KIAA0753: variants seen among roughly 807,000 people sequenced by gnomAD.
The protein encoded by KIAA0753 is protein moonraker.
In KIAA0753, 114 loss-of-function variants were observed where a neutral mutation model predicts 116.9. That is an observed-to-expected ratio of 0.98 (90% confidence interval 0.84 to 1.14). The LOEUF (loss-of-function observed/expected upper bound fraction) is 1.14. KIAA0753 is among the 50% of genes most tolerant of loss of function. KIAA0753 has a pLI of 0.00. For synonymous variants in KIAA0753, 405 were observed against 413.1 expected (o/e 0.98, Z 0.24); for missense variants, 1,156 against 1,172.4 (o/e 0.99, Z 0.20).
In KIAA0753 at chr17:6,589,861, A is replaced by G; in HGVS notation, c.2704T>C (p.Tyr902His). Residue 902 changes from tyrosine (Y) to histidine (H), a missense_variant, in exon 18 of 19, where the codon TAC becomes CAC. Physicochemically the swap from Tyr to His is moderately conservative, Grantham distance 83. Coordinates refer to ENST00000361413, the MANE Select transcript of KIAA0753 (RefSeq NM_014804.3). Reference protein sequence around the residue: ...PPGMQHSIGDYCSRFEQYLRI... With the variant: ...PPGMQHSIGDHCSRFEQYLRI... ...AGGTACTGCTCAAAACGACTACAGTAGTCACCGATGCTGTGCTGCATACCC... is the reference window on the plus strand; with the variant it reads ...AGGTACTGCTCAAAACGACTACAGTGGTCACCGATGCTGTGCTGCATACCC... 1 of 1,614,152 alleles carries G rather than the reference A, an allele frequency of 6.2e-7. No individual in the cohort carries two copies. The highest frequency in any genetic ancestry group is 8.5e-7 in the Non-Finnish European group (1 of 1,179,986).
rs1969789536 is a variant in KIAA0753 at position 6,600,445 on chromosome 17, G to A, written c.2023C>T (p.His675Tyr). 2.5e-6 allele frequency: 4 copies of A among 1,612,548 alleles called. No individual in the cohort carries two copies. The highest frequency in any genetic ancestry group is 3.4e-6 in the Non-Finnish European group (4 of 1,178,750). Residue 675 changes from histidine (H) to tyrosine (Y), a missense_variant, in exon 13 of 19, where the codon CAC (histidine) becomes TAC (tyrosine). Transcript: ENST00000361413. ...GCCTCCTCTACCTTGTCTGCTAAGT[G>A]GGTGGCAGAAACACTATTTAGAAAT... ...RLQQLSVSAT[H>Y]LADKVEEAVL... is the part of the protein sequence containing the mutation.
At chr17:6,610,687 A>AT (rs1285711383) in intron 8 of KIAA0753, among the ~76,000 whole-genome samples, 3 of 151,652 alleles carry the variant, frequency 2.0e-5, no homozygotes, top group Non-Finnish European at 4.4e-5. Flanking sequence ...TGCCTGGCTA[A>AT]TTTTTTATTT....
At position 6,639,139 on chromosome 17, in the gene KIAA0753, C is replaced by G. The variant is rs1972506137; in HGVS notation, c.-69+1498G>C. On this transcript the variant is annotated intron_variant, in intron 1 of 18. Transcript: ENST00000361413. This position sits in a 1 kb window ranked among gnomAD's most constrained non-coding sequence, Gnocchi z 4.3. ...GTCTGTCTCCTCCACAGCCTGTCTC[C>G]TGTAACACACACCTGCGGCACCCAC... 6.5e-6 allele frequency: 1 copy of G among 153,080 alleles called. No individual in the cohort carries two copies. The highest frequency in any genetic ancestry group is 1.9e-4 in the East Asian group (1 of 5,206). 9.5% of individuals were successfully genotyped at this position (153,080 alleles called of 1,614,324 possible).
At chr17:6,607,338 C>A in intron 10 of KIAA0753, 68 bp from the exon 11 acceptor site, 1 of 1,296,782 alleles carries the variant, frequency 7.7e-7, no homozygotes, top group South Asian at 1.2e-5. Flanking sequence ...ATCACAGAAA[C>A]AGACCAGAAA....
chr17:6,638,275 G>A (rs1048123416), intron 1 of KIAA0753: 1 of 152,892 alleles, frequency 6.5e-6, no homozygotes. Context: ...GGGTCCCCCC[G>A]AAGCCACAGA....
At chr17:6,621,808 G>C (rs1225185086) in intron 6 of KIAA0753, among the ~76,000 whole-genome samples, 4 of 151,744 alleles carry the variant, frequency 2.6e-5, no homozygotes, top group Admixed American at 2.6e-4. Flanking sequence ...AATTATTTTG[G>C]CCAATAAATG....
chr17:6,596,140 C>A lies in KIAA0753; in HGVS notation c.2358+18G>T. The A allele has an allele frequency of 6.2e-7, 1 of 1,608,140 alleles. No individual in the cohort carries two copies. Among genetic ancestry groups the A allele is most frequent in the South Asian group, 1.1e-5 (1 of 90,674 alleles). Reference sequence around the variant, plus strand: ...CCAGCCCCTAGCAGCGAACCAGACCCGGAGCCCCAGACCTTACTTCCATCT... The same window carrying A: ...CCAGCCCCTAGCAGCGAACCAGACCAGGAGCCCCAGACCTTACTTCCATCT... On this transcript the variant is annotated intron_variant, in intron 15 of 18. Transcript: ENST00000361413.
intron 13 of KIAA0753, 51 bp downstream of exon 13, chr17:6,600,329 A>T: frequency 7.1e-7 from 1 of 1,416,268 alleles, no homozygotes; most frequent in Non-Finnish European, 1.0e-6. Context: ...AACTCATTTT[A>T]AATCCAGGAC....
chr17:6,615,833 A>G (rs1339304925), intron 7 of KIAA0753, among the ~76,000 whole-genome samples: 2 of 152,136 alleles, frequency 1.3e-5, no homozygotes, highest in Non-Finnish European at 2.9e-5. Context: ...CACTAATGCA[A>G]TCAACCAATT....
At chr17:6,609,102 TG>T (rs1230703830) in intron 9 of KIAA0753, among the ~76,000 whole-genome samples, 2 of 152,198 alleles carry the variant, frequency 1.3e-5, no homozygotes, top group Non-Finnish European at 2.9e-5. Context: ...TTCCTTAACT[TG>T]AAAATGAGAG....
intron 7 of KIAA0753, among the ~76,000 whole-genome samples, chr17:6,614,741 C>T (rs1328467284): frequency 1.3e-5 from 2 of 152,146 alleles, no homozygotes; most frequent in Non-Finnish European, 2.9e-5. Context: ...TCAGTTACTC[C>T]TCATCAGCCC....
chr17:6,583,773 T>C (rs117643589), intron 18 of KIAA0753, among the ~76,000 whole-genome samples: 1 of 152,250 alleles, frequency 6.6e-6, no homozygotes, highest in Non-Finnish European at 1.5e-5. Flanking sequence ...CTAGGCACAG[T>C]TATTTTAATG....
At chr17:6,585,953 A>G (rs117687005) in intron 18 of KIAA0753, among the ~76,000 whole-genome samples, 4 of 152,250 alleles carry the variant, frequency 2.6e-5, no homozygotes, top group East Asian at 1.9e-4. Context: ...TACAGTTTGT[A>G]TATTTGTTCC....
In KIAA0753 at chr17:6,580,823, C is replaced by T. The variant is rs7212758; in HGVS notation, c.2787-959G>A. ...CACCTCTAACAGCTGCCTGACCGGC[C>T]GACGGAGGAAGGGGTGTGCCTTCTC... is the stretch of plus-strand genomic sequence containing the variant. On this transcript the variant is annotated intron_variant, in intron 18 of 18. Coordinates refer to ENST00000361413, the MANE Select transcript of KIAA0753 (RefSeq NM_014804.3). Among the ~76,000 whole-genome samples the T allele has an allele frequency of 9.5e-3, 1,447 of 151,712 alleles. 25 individuals are homozygous for T. Among genetic ancestry groups the T allele is most frequent in the African/African-American group, 0.033 (1,344 of 41,300 alleles).
At chr17:6,634,351 G>C (rs1041574599) in intron 2 of KIAA0753, among the ~76,000 whole-genome samples, 9 of 152,120 alleles carry the variant, frequency 5.9e-5, no homozygotes, top group Admixed American at 5.9e-4. Context: ...TGATCCGCCC[G>C]CCTGGACCTC....
chr17:6,582,634 T>C (rs1037967853), intron 18 of KIAA0753, among the ~76,000 whole-genome samples: 4 of 152,264 alleles, frequency 2.6e-5, no homozygotes, highest in African/African-American at 9.6e-5. Context: ...GCTTCTAAAA[T>C]AATAGGCATT....
intron 4 of KIAA0753, among the ~76,000 whole-genome samples, 192 bp downstream of exon 4, chr17:6,624,563 C>G (rs575346871): frequency 2.0e-5 from 3 of 152,032 alleles, no homozygotes; most frequent in African/African-American, 7.2e-5. Flanking sequence ...CACACACACA[C>G]ACACACACGC....
chr17:6,611,232 C>T (rs1485428085), intron 8 of KIAA0753, among the ~76,000 whole-genome samples: 1 of 152,086 alleles, frequency 6.6e-6, no homozygotes, highest in Non-Finnish European at 1.5e-5. Context: ...TATTAGAAAG[C>T]ACTCACCCTA....
chr17:6,583,899 G>A (rs1048881631), intron 18 of KIAA0753, among the ~76,000 whole-genome samples: 15 of 152,176 alleles, frequency 9.9e-5, no homozygotes, highest in African/African-American at 1.9e-4. Flanking sequence ...TTCAACAGTC[G>A]TAGAAATAAA....
Sources: gnomAD v4.1 joint callset for allele counts (sites outside exome capture counted in the v4.1 genomes callset) on GRCh38, gnomAD v4.1.1 for gene constraint, Gnocchi (gnomAD v3.1) non-coding constraint, MANE v1.5 for transcripts, NCBI Gene and HGNC (gene_info 2026-07-23, HGNC 2026-07-21) for gene names.